MYO5C: variants seen among roughly 807,000 people sequenced by gnomAD.
The protein encoded by MYO5C is myosin VC, also known as unconventional myosin-Vc.
In MYO5C, 194 loss-of-function variants were observed where a neutral mutation model predicts 235.7. That is an observed-to-expected ratio of 0.82 (90% CI 0.73 to 0.93). The LOEUF is 0.93. MYO5C is among the 40% of genes least tolerant of loss of function. MYO5C has a pLI of 0.00. For missense variants in MYO5C, 2,038 were observed against 2,127.2 expected (o/e 0.96, Z 0.82); for synonymous variants, 707 against 754.8 (o/e 0.94, Z 1.04).
intron 1 of MYO5C, among the ~76,000 whole-genome samples, chr15:52,283,752 T>G (rs913190666): frequency 2.0e-5 from 3 of 152,156 alleles, no homozygotes; most frequent in East Asian, 3.8e-4. Context: ...CTTGGCTCAC[T>G]GCAACCTCCA....
At chr15:52,219,384 C>G (rs1229174247) in intron 31 of MYO5C, among the ~76,000 whole-genome samples, 1 of 152,182 alleles carries the variant, frequency 6.6e-6, no homozygotes, top group Admixed American at 6.5e-5. Flanking sequence ...ACCGTCCTCT[C>G]TCACACACTC....
intron 23 of MYO5C, among the ~76,000 whole-genome samples, chr15:52,234,193 G>A (rs969416313): frequency 6.6e-6 from 1 of 152,256 alleles, no homozygotes; most frequent in Admixed American, 6.5e-5. Flanking sequence ...ATGGGATTAT[G>A]TCCATGTTAA....
intron 34 of MYO5C, 133 bp from the exon 35 acceptor site, chr15:52,212,017 C>A (rs1481606396): frequency 2.8e-5 from 23 of 833,076 alleles, no homozygotes; most frequent in Admixed American, 1.5e-4. Context: ...GGATTTATTT[C>A]CTCTTTGAGG....
rs56054672 is a variant in MYO5C at position 52,232,327 on chromosome 15, AGG to A, written c.3026+293_3026+294del. ...AAGGAAGGAAGGAGAGAAGGAAGGA[AGG>A]AGAGAAAGAAAGAAGAGAAAGAAAG... On this transcript the variant is annotated intron_variant, in intron 24 of 40. Coordinates refer to ENST00000261839, the MANE Select transcript of MYO5C (RefSeq NM_018728.4). Among the ~76,000 whole-genome samples the A allele has an allele frequency of 6.3e-5, 8 of 127,812 alleles. 1 individual carries two copies. Among genetic ancestry groups the A allele is most frequent in the Admixed American group, 4.5e-4 (6 of 13,254 alleles). The allele number at this position is 127,812 out of a possible 152,430, so 83.8% of individuals were successfully genotyped here.
rs1188106112 is a variant in MYO5C at position 52,224,955 on chromosome 15, A to C, written c.3392T>G (p.Leu1131Ter). Residue 1131 changes from leucine (L) to a stop codon, truncating the protein, a stop_gained, in exon 28 of 41, where the codon TTA (leucine) becomes TGA (stop). Transcript: ENST00000261839. LOFTEE classifies it high-confidence loss of function. ...SRLSVEDLEH[L>*]NEDGELWFAY... ...AAACCAAAGTTCTCCATCCTCATTT[A>C]AATGTTCCAGATCTTCCACAGAGAG... 1 of 1,614,070 alleles carries C rather than the reference A, an allele frequency of 6.2e-7. No individual in the cohort carries two copies. The highest frequency in any genetic ancestry group is 1.3e-5 in the African/African-American group (1 of 75,048).
intron 10 of MYO5C, among the ~76,000 whole-genome samples, chr15:52,260,402 G>A (rs887914272): frequency 1.3e-4 from 20 of 152,200 alleles, no homozygotes; most frequent in African/African-American, 4.3e-4. Flanking sequence ...CCTGTGATTC[G>A]AATGGGAAGG....
chr15:52,270,671 T>TAA, intron 7 of MYO5C, among the ~76,000 whole-genome samples: 1 of 150,956 alleles, frequency 6.6e-6, no homozygotes, highest in Admixed American at 6.6e-5. Context: ...TATGTATATA[T>TAA]ATGTATGTAT....
chr15:52,256,749 A>G, intron 10 of MYO5C, 29 bp from the exon 11 acceptor site: 1 of 1,542,782 alleles, frequency 6.5e-7, no homozygotes, highest in African/African-American at 1.4e-5. Flanking sequence ...AAGTTAAAAT[A>G]TAACCTGAAG....
chr15:52,198,027 T>C (rs2035094116), intron 38 of MYO5C, among the ~76,000 whole-genome samples: 1 of 152,076 alleles, frequency 6.6e-6, no homozygotes, highest in Non-Finnish European at 1.5e-5. Context: ...AATAAAGTGA[T>C]CTCTAAAGTC....
chr15:52,252,068 A>G (rs1018118443), intron 12 of MYO5C, among the ~76,000 whole-genome samples: 2 of 152,324 alleles, frequency 1.3e-5, no homozygotes, highest in East Asian at 1.9e-4. Flanking sequence ...ACAATTATAT[A>G]TATTTGTGGG....
intron 14 of MYO5C, 25 bp from the exon 15 acceptor site, chr15:52,247,617 A>G (rs759021563): frequency 1.9e-6 from 3 of 1,612,490 alleles, no homozygotes; most frequent in East Asian, 2.2e-5. Flanking sequence ...GAGGATCTCA[A>G]TGTCCAAAAG....
chr15:52,213,303 A>G lies in MYO5C; in HGVS notation c.4043-17T>C. On this transcript the variant is annotated splice_polypyrimidine_tract_variant and intron_variant, in intron 33 of 40. Coordinates refer to ENST00000261839, the MANE Select transcript of MYO5C (RefSeq NM_018728.4). The stretch of plus-strand genomic sequence containing the variant: ...CATCATTGGCTGTAGACAGAGGCAA[A>G]CAATCAGCTAAATACACAAAAGCAG... 3 of 1,579,594 alleles carry G rather than the reference A, an allele frequency of 1.9e-6. No individual in the cohort carries two copies. The East Asian group carries it at 6.7e-5, about 35-fold the overall frequency.
In MYO5C at chr15:52,211,813, G is replaced by A. The variant is rs570238090; in HGVS notation, c.4213C>T (p.Arg1405Cys). 4.5e-5 allele frequency: 72 copies of A among 1,614,134 alleles called. No individual in the cohort carries two copies. The highest frequency in any genetic ancestry group is 2.5e-4 in the East Asian group (11 of 44,884). Residue 1405 changes from arginine to cysteine, a missense_variant, in exon 35 of 41, where the codon CGC becomes TGC. Coordinates refer to ENST00000261839, the MANE Select transcript of MYO5C (RefSeq NM_018728.4). ...GCATCATTCAGAGAGTCTGCGTAGC[G>A]CACACACATGAACAGGATATGAGCC... ...LPAHILFMCV[R>C]YADSLNDANM...
At chr15:52,284,880 C>G (rs1448850534) in intron 1 of MYO5C, among the ~76,000 whole-genome samples, 1 of 150,478 alleles carries the variant, frequency 6.6e-6, no homozygotes, top group Non-Finnish European at 1.5e-5. Flanking sequence ...AGTTTTGTGG[C>G]CCAGGCTGGA....
chr15:52,206,087 G>A, intron 36 of MYO5C, 121 bp from the exon 37 acceptor site: 1 of 619,944 alleles, frequency 1.6e-6, no homozygotes, highest in Non-Finnish European at 2.5e-6. Context: ...ATGAGTTCAT[G>A]ATGCTTGGGG....
chr15:52,249,011 G>A (rs1270075717), intron 13 of MYO5C, among the ~76,000 whole-genome samples: 2 of 152,198 alleles, frequency 1.3e-5, no homozygotes, highest in Non-Finnish European at 2.9e-5. Flanking sequence ...TGATCACTCT[G>A]CACTCACCTG....
intron 6 of MYO5C, 39 bp from the exon 7 acceptor site, chr15:52,271,883 C>T: frequency 7.2e-7 from 1 of 1,394,634 alleles, no homozygotes; most frequent in East Asian, 2.3e-5. Context: ...TACACCAAAT[C>T]CTTACAAGCA....
intron 12 of MYO5C, 100 bp from the exon 13 acceptor site, chr15:52,251,615 T>TA: frequency 1.5e-6 from 1 of 679,684 alleles, no homozygotes; most frequent in Non-Finnish European, 2.3e-6. Flanking sequence ...ATTTGGCACT[T>TA]AGTGAACTGC....
At chr15:52,206,615 C>A (rs560767668) in intron 36 of MYO5C, among the ~76,000 whole-genome samples, 7 of 152,088 alleles carry the variant, frequency 4.6e-5, no homozygotes, top group Non-Finnish European at 8.8e-5. Flanking sequence ...TGTGAGGACA[C>A]AGGGATGGAG....
Sources: allele counts gnomAD v4.1 joint callset (sites outside exome capture counted in the v4.1 genomes callset), GRCh38; gene constraint gnomAD v4.1.1; transcripts MANE v1.5; gene names NCBI Gene and HGNC (gene_info 2026-07-23, HGNC 2026-07-21).